THSD7A: variants seen among roughly 807,000 people sequenced by gnomAD.
The protein encoded by THSD7A is thrombospondin type-1 domain-containing protein 7A.
Under a neutral mutation model 231.3 loss-of-function variants are expected in THSD7A, and 96 were observed. The observed-to-expected ratio is 0.41, with a 90% CI of 0.35 to 0.49. The LOEUF is 0.49. Among genes scored for constraint, THSD7A ranks in the 20% least tolerant of loss-of-function variants. THSD7A has a pLI of 0.05. For synonymous variants in THSD7A, 940 were observed against 743.3 expected (o/e 1.26, Z -4.30); for missense variants, 2,290 against 2,070.2 (o/e 1.11, Z -2.06).
chr7:11,665,492 C>T (rs1328019624), intron 1 of THSD7A, among the ~76,000 whole-genome samples: 1 of 152,116 alleles, frequency 6.6e-6, no homozygotes, highest in Non-Finnish European at 1.5e-5. Flanking sequence ...ACATACATTC[C>T]ACACTCAAAA....
intron 1 of THSD7A, among the ~76,000 whole-genome samples, chr7:11,813,048 C>G (rs972026916): frequency 6.6e-6 from 1 of 152,136 alleles, no homozygotes; most frequent in South Asian, 2.1e-4. Context: ...GCTGTGAAAA[C>G]GATGTAGGCA....
At chr7:11,482,990 G>A (rs1786493466) in intron 6 of THSD7A, among the ~76,000 whole-genome samples, 1 of 152,104 alleles carries the variant, frequency 6.6e-6, no homozygotes, top group South Asian at 2.1e-4. Flanking sequence ...GAGGTCAAGG[G>A]AACAGAACAG....
At chr7:11,734,424 C>T (rs1184481967) in intron 1 of THSD7A, among the ~76,000 whole-genome samples, 1 of 151,928 alleles carries the variant, frequency 6.6e-6, no homozygotes, top group Non-Finnish European at 1.5e-5. Flanking sequence ...GCTTTTCATC[C>T]TCTACACTCC....
intron 4 of THSD7A, among the ~76,000 whole-genome samples, chr7:11,548,487 A>AAACCC: frequency 6.6e-6 from 1 of 152,012 alleles, no homozygotes; most frequent in Admixed American, 6.6e-5. Context: ...ATTAAGAAAG[A>AAACCC]AACCCTCCTT....
At chr7:11,576,486 A>G (rs1200134857) in intron 4 of THSD7A, among the ~76,000 whole-genome samples, 1 of 152,222 alleles carries the variant, frequency 6.6e-6, no homozygotes, top group Non-Finnish European at 1.5e-5. Flanking sequence ...TATTGTTCAC[A>G]TGGAAAGAGT....
intron 4 of THSD7A, among the ~76,000 whole-genome samples, chr7:11,583,523 G>A (rs117742979): frequency 0.022 from 3,381 of 152,056 alleles, 58 homozygotes; most frequent in South Asian, 0.053. Context: ...TTATCCACCC[G>A]CCTCAGCCTC....
At chr7:11,523,967 T>C (rs1423400404) in intron 6 of THSD7A, among the ~76,000 whole-genome samples, 1 of 152,194 alleles carries the variant, frequency 6.6e-6, no homozygotes, top group Non-Finnish European at 1.5e-5. Context: ...TTGAGGTTTA[T>C]AACATATGTG....
intron 1 of THSD7A, among the ~76,000 whole-genome samples, chr7:11,781,780 T>C (rs527807981): frequency 6.6e-6 from 1 of 152,348 alleles, no homozygotes; most frequent in East Asian, 1.9e-4. Flanking sequence ...AAATAGTTGT[T>C]AAAGATTTCT....
rs886358322 is a variant in THSD7A at position 11,831,888 on chromosome 7, C to A, written c.59G>T (p.Arg20Leu). The change falls in exon 1 of 28, where the codon CGG becomes CTG. Residue 20 changes from arginine (R) to leucine (L), a missense_variant. Physicochemically the swap from Arg to Leu is moderately radical, Grantham distance 102. Coordinates refer to ENST00000423059, the MANE Select transcript of THSD7A (RefSeq NM_015204.3). The surrounding 1 kb of genome is among the most constrained non-coding windows in gnomAD (Gnocchi z 5.0). ...SGSRGAAGPR[R>L]GVLQLLPLPL... is the part of the protein sequence containing the mutation. Reference sequence around the variant, plus strand: ...CAGCGGCAGCAGCTGCAGGACGCCCCGGCGCGGCCCCGCAGCGCCCCGGCT... The same window carrying A: ...CAGCGGCAGCAGCTGCAGGACGCCCAGGCGCGGCCCCGCAGCGCCCCGGCT... 46 of 1,247,060 alleles carry A rather than the reference C, an allele frequency of 3.7e-5. No homozygotes were observed. Among genetic ancestry groups the A allele is most frequent in the Middle Eastern group, 3.1e-4 (1 of 3,248 alleles). 77.2% of individuals were successfully genotyped at this position (1,247,060 alleles called of 1,614,324 possible). A position where few individuals can be genotyped will look rare whatever the true frequency, so the allele number is the denominator to read the frequency against.
intron 1 of THSD7A, among the ~76,000 whole-genome samples, chr7:11,742,286 A>T (rs1397926463): frequency 6.6e-6 from 1 of 151,952 alleles, no homozygotes; most frequent in Non-Finnish European, 1.5e-5. Context: ...AAAATCATTA[A>T]ATTCAGGTTT....
intron 4 of THSD7A, among the ~76,000 whole-genome samples, chr7:11,565,927 G>T (rs903588833): frequency 6.6e-6 from 1 of 152,092 alleles, no homozygotes; most frequent in African/African-American, 2.4e-5. Flanking sequence ...TGCTGGGTTT[G>T]ACATTTAAAA....
intron 1 of THSD7A, among the ~76,000 whole-genome samples, chr7:11,795,717 A>C (rs912269948): frequency 1.3e-5 from 2 of 151,832 alleles, no homozygotes; most frequent in Non-Finnish European, 2.9e-5. Flanking sequence ...GCTTCCTGAA[A>C]ATGATAGAAA....
At chr7:11,585,779 ACACT>A (rs1435809313) in intron 4 of THSD7A, among the ~76,000 whole-genome samples, 2 of 152,130 alleles carry the variant, frequency 1.3e-5, no homozygotes, top group East Asian at 1.9e-4. Context: ...ACACACACCC[ACACT>A]CACTCAGACA....
intron 1 of THSD7A, among the ~76,000 whole-genome samples, chr7:11,712,203 G>A (rs1780990762): frequency 1.3e-5 from 2 of 151,056 alleles, no homozygotes; most frequent in Admixed American, 1.3e-4. Flanking sequence ...ATGACAGCAT[G>A]ATGCAAAATT....
chr7:11,701,778 T>G (rs1328480686), intron 1 of THSD7A, among the ~76,000 whole-genome samples: 2 of 151,216 alleles, frequency 1.3e-5, no homozygotes, highest in Non-Finnish European at 1.5e-5. Flanking sequence ...TTATATATTT[T>G]TAAATCTACT....
chr7:11,556,164 AAC>A (rs1789835268), intron 4 of THSD7A, among the ~76,000 whole-genome samples: 1 of 151,498 alleles, frequency 6.6e-6, no homozygotes. Flanking sequence ...CCTGTGAGTT[AAC>A]ACATTTTAGA....
chr7:11,408,718 C>G (rs1379893074), intron 19 of THSD7A, among the ~76,000 whole-genome samples: 2 of 152,046 alleles, frequency 1.3e-5, no homozygotes, highest in African/African-American at 2.4e-5. Context: ...GCTCTTAGCT[C>G]TAAGTTATCC....
At chr7:11,802,677 A>T (rs1784308636) in intron 1 of THSD7A, among the ~76,000 whole-genome samples, 1 of 152,176 alleles carries the variant, frequency 6.6e-6, no homozygotes, top group South Asian at 2.1e-4. Context: ...TAAAGTGAGG[A>T]TATGGAAGTA....
intron 1 of THSD7A, among the ~76,000 whole-genome samples, chr7:11,755,266 A>G (rs1583261214): frequency 6.6e-6 from 1 of 152,144 alleles, no homozygotes; most frequent in East Asian, 1.9e-4. Context: ...ATGGTATATG[A>G]TAGGAAGACA....
Sources: gnomAD v4.1 joint callset for allele counts (sites outside exome capture counted in the v4.1 genomes callset) on GRCh38, gnomAD v4.1.1 for gene constraint, Gnocchi (gnomAD v3.1) non-coding constraint, MANE v1.5 for transcripts, NCBI Gene and HGNC (gene_info 2026-07-23, HGNC 2026-07-21) for gene names.